Variants in AK5 observed in about 807,000 individuals in gnomAD.
AK5 encodes adenylate kinase isoenzyme 5.
AK5 carries 27 observed loss-of-function variants against 69.5 expected under a neutral mutation model. That is an observed-to-expected ratio of 0.39 (90% confidence interval 0.29 to 0.54). The LOEUF (loss-of-function observed/expected upper bound fraction) is 0.54. Ranked by LOEUF, AK5 falls within the 20% of genes least tolerant of loss-of-function variation. The probability of loss-of-function intolerance (pLI) is 0.71; values close to 1 mark genes in which losing one functional copy is unlikely to be tolerated. For missense variants in AK5, 531 were observed against 700.4 expected, an observed-to-expected ratio of 0.76 and a Z score of 2.73; for synonymous variants, 260 against 244.4, an observed-to-expected ratio of 1.06 and a Z score of -0.60.
rs536052346 is a variant in AK5, at chr1:77,501,336, C to T, written c.1147+14984C>T. Among the ~76,000 whole-genome samples the T allele has an allele frequency of 1.7e-4, 26 of 152,340 alleles. No homozygotes were observed. In the South Asian group the frequency reaches 3.9e-3, roughly 23 times the overall value. ...AGGACAACTGCCCTCCACGAATTCTCCCATATACAGTCATGCATCACTTAA... is the reference window on the plus strand; with the variant it reads ...AGGACAACTGCCCTCCACGAATTCTTCCATATACAGTCATGCATCACTTAA... On this transcript the variant is annotated intron_variant, in intron 10 of 13. Coordinates refer to ENST00000354567, the MANE Select transcript of AK5 (RefSeq NM_174858.3).
chr1:77,436,194 C>A (rs1026844036), intron 8 of AK5, among the ~76,000 whole-genome samples: 5 of 151,992 alleles, frequency 3.3e-5, no homozygotes, highest in Non-Finnish European at 7.4e-5. Context: ...TTTCTAAATT[C>A]GTATTTTGAA....
chr1:77,404,648 G>C (rs1649497022), intron 6 of AK5, among the ~76,000 whole-genome samples: 1 of 152,164 alleles, frequency 6.6e-6, no homozygotes, highest in Non-Finnish European at 1.5e-5. Context: ...AGTTGTAGAA[G>C]TGAAATGTTG....
At chr1:77,366,586 G>T (rs1347622863) in intron 6 of AK5, among the ~76,000 whole-genome samples, 2 of 152,132 alleles carry the variant, frequency 1.3e-5, no homozygotes, top group African/African-American at 2.4e-5. Context: ...AGGAATAAGG[G>T]TTGCAAAGCT....
chr1:77,485,890 G>T lies in AK5; in HGVS notation c.1103-418G>T, dbSNP rs1198723789. Among the ~76,000 whole-genome samples the T allele has an allele frequency of 5.3e-5, 8 of 152,168 alleles. No individual in the cohort carries two copies. In the East Asian group the frequency reaches 1.5e-3, roughly 29 times the overall value. On this transcript the variant is annotated intron_variant, in intron 9 of 13. Transcript: ENST00000354567. Reference sequence around the variant, plus strand: ...CCAGGACTTTGGGAGGCCAAGGCAGGTGGATCACTTGAGGCCAGGAGTTCA... The same window carrying T: ...CCAGGACTTTGGGAGGCCAAGGCAGTTGGATCACTTGAGGCCAGGAGTTCA...
chr1:77,544,839 A>G (rs1263983396), intron 13 of AK5, among the ~76,000 whole-genome samples: 1 of 152,240 alleles, frequency 6.6e-6, no homozygotes, highest in Non-Finnish European at 1.5e-5. Flanking sequence ...TAGGAAATAC[A>G]TAAACCAGAA....
At chr1:77,533,680 G>A (rs1388997423) in intron 12 of AK5, among the ~76,000 whole-genome samples, 3 of 151,988 alleles carry the variant, frequency 2.0e-5, no homozygotes, top group African/African-American at 7.2e-5. Flanking sequence ...TGCTTATTTT[G>A]GTCTAAAAGG....
In AK5 at chr1:77,337,966, T is replaced by C. The variant is rs868738317; in HGVS notation, c.700-2411T>C. ...ACATCTGAACAATGTTTTCTTTTTA[T>C]TTTTTTTTTTTTTTTGAGACAGAGT... On this transcript the variant is annotated intron_variant, in intron 5 of 13. Coordinates refer to ENST00000354567, the MANE Select transcript of AK5 (RefSeq NM_174858.3). Among the ~76,000 whole-genome samples, 400 of 146,740 alleles carry C rather than the reference T, an allele frequency of 2.7e-3. 9 individuals are homozygous for C. Among genetic ancestry groups the C allele is most frequent in the Admixed American group, 3.9e-3 (57 of 14,692 alleles).
chr1:77,494,510 A>T (rs1557634096), intron 10 of AK5, among the ~76,000 whole-genome samples: 1 of 152,144 alleles, frequency 6.6e-6, no homozygotes, highest in Non-Finnish European at 1.5e-5. Flanking sequence ...CCAACCCCTT[A>T]TCTCCTCTGG....
At position 77,526,561 on chromosome 1, in the gene AK5, T is replaced by C. The variant is rs190896346; in HGVS notation, c.1428+4618T>C. Among the ~76,000 whole-genome samples, 840 of 144,148 alleles carry C rather than the reference T, an allele frequency of 5.8e-3. 8 individuals carry two copies. Among genetic ancestry groups the C allele is most frequent in the African/African-American group, 0.019 (738 of 38,914 alleles). The allele number at this position is 144,148 out of a possible 152,430, so 94.6% of individuals were successfully genotyped here. A position where few individuals can be genotyped will look rare whatever the true frequency, so the allele number is the denominator to read the frequency against. ...TGCGATCTTGGCTCACTGCAAGCTCTGCCTCCCGGGTTCACGCCATTCTCC... is the reference window on the plus strand; with the variant it reads ...TGCGATCTTGGCTCACTGCAAGCTCCGCCTCCCGGGTTCACGCCATTCTCC... On this transcript the variant is annotated intron_variant, in intron 12 of 13. Coordinates refer to ENST00000354567, the MANE Select transcript of AK5 (RefSeq NM_174858.3).
chr1:77,364,171 A>G (rs1646912248), intron 6 of AK5, among the ~76,000 whole-genome samples: 1 of 152,218 alleles, frequency 6.6e-6, no homozygotes. Context: ...TAGTTTTCAG[A>G]GACTTTTAAT....
chr1:77,295,449 T>G (rs920374868), intron 3 of AK5, among the ~76,000 whole-genome samples: 1 of 152,240 alleles, frequency 6.6e-6, no homozygotes, highest in Non-Finnish European at 1.5e-5. Context: ...TTAAAGTCAG[T>G]TTTTGAAGAG....
chr1:77,414,045 A>G (rs1037930003), intron 7 of AK5, among the ~76,000 whole-genome samples: 1 of 152,226 alleles, frequency 6.6e-6, no homozygotes, highest in Non-Finnish European at 1.5e-5. Context: ...CAGGTCAGGC[A>G]CTTATAGGAG....
intron 13 of AK5, among the ~76,000 whole-genome samples, chr1:77,548,086 T>C (rs4949658): frequency 0.61 from 92,177 of 152,064 alleles, 30,613 homozygotes; most frequent in Non-Finnish European, 0.74. Flanking sequence ...TTAGGCAGAA[T>C]GGAGAGGAAG....
intron 8 of AK5, among the ~76,000 whole-genome samples, chr1:77,428,606 A>T (rs113813101): frequency 1.5e-5 from 2 of 135,720 alleles, no homozygotes; most frequent in Non-Finnish European, 3.2e-5. Context: ...TTTTTTTTTT[A>T]ATTTTTTTAA....
intron 5 of AK5, among the ~76,000 whole-genome samples, chr1:77,307,683 T>C (rs1331772057): frequency 6.6e-6 from 1 of 152,172 alleles, no homozygotes; most frequent in Non-Finnish European, 1.5e-5. Context: ...TGGAAGATCT[T>C]TCCAATGCTG....
intron 5 of AK5, 38 bp from the exon 6 acceptor site, chr1:77,340,339 A>G: frequency 6.4e-7 from 1 of 1,571,868 alleles, no homozygotes; most frequent in Non-Finnish European, 8.7e-7. Context: ...ATTAGTTGGT[A>G]TGTTGAATGC....
At chr1:77,320,646 A>G (rs1216689849) in intron 5 of AK5, among the ~76,000 whole-genome samples, 1 of 152,082 alleles carries the variant, frequency 6.6e-6, no homozygotes, top group African/African-American at 2.4e-5. Context: ...CTACTCAGGA[A>G]GCTGAGACAG....
At chr1:77,354,478 T>G (rs1458411100) in intron 6 of AK5, among the ~76,000 whole-genome samples, 1 of 152,222 alleles carries the variant, frequency 6.6e-6, no homozygotes, top group African/African-American at 2.4e-5. Flanking sequence ...CAGGCTATTC[T>G]TTTCAGTAGT....
chr1:77,335,079 AACACTTCTTCATAAAGAATAGG>A (rs919109786), intron 5 of AK5, among the ~76,000 whole-genome samples: 1 of 152,212 alleles, frequency 6.6e-6, no homozygotes, highest in African/African-American at 2.4e-5. Context: ...TAGACCTTCT[AACACTTCTTCATAAAGAATAGG>A]GCAGTCAAAA....
Sources: allele counts gnomAD v4.1 joint callset (sites outside exome capture counted in the v4.1 genomes callset), GRCh38; gene constraint gnomAD v4.1.1; transcripts MANE v1.5; gene names NCBI Gene and HGNC (gene_info 2026-07-23, HGNC 2026-07-21).